MCEE: variants seen among roughly 807,000 people sequenced by gnomAD.
MCEE encodes methylmalonyl-CoA epimerase, also known as methylmalonyl-CoA epimerase, mitochondrial.
Under a neutral mutation model 12.9 loss-of-function variants are expected in MCEE, and 6 were observed. That is an observed-to-expected ratio of 0.47 (90% CI 0.26 to 0.92). MCEE has a LOEUF of 0.92. Ranked by LOEUF, MCEE falls within the 40% of genes least tolerant of loss-of-function variation. MCEE has a pLI of 0.16. For synonymous variants in MCEE, 78 were observed against 77.9 expected (o/e 1.00, Z -0.01); for missense variants, 214 against 212.1 (o/e 1.01, Z -0.05).
intron 1 of MCEE, among the ~76,000 whole-genome samples, chr2:71,125,211 A>ATATATATATATATTTTTTT: frequency 4.1e-5 from 2 of 48,592 alleles, no homozygotes; most frequent in African/African-American, 6.0e-5. Context: ...ATATATATAT[A>ATATATATATATATTTTTTT]TTTTTTTTTT....
rs1262687445 is a variant in MCEE at position 71,116,609 on chromosome 2, C to T, written c.379-6487G>A. 4.1e-5 allele frequency among the ~76,000 whole-genome samples: 6 copies of T among 145,456 alleles called. No individual in the cohort carries two copies. The East Asian group carries it at 5.9e-4, about 14-fold the overall frequency. On this transcript the variant is annotated intron_variant, in intron 2 of 2. Transcript: ENST00000244217. ...GTTACCAGGCTAGAATGCAGTGGTG[C>T]GATCTCAGTTCACTGCAACCTCCGC...
intron 1 of MCEE, 149 bp downstream of exon 1, chr2:71,130,031 G>T: frequency 1.3e-6 from 1 of 798,844 alleles, no homozygotes; most frequent in Non-Finnish European, 2.2e-6. Context: ...GGCACCCTCT[G>T]CCTAAGTGAC....
At chr2:71,112,766 G>A (rs1672916076) in intron 2 of MCEE, among the ~76,000 whole-genome samples, 2 of 152,104 alleles carry the variant, frequency 1.3e-5, no homozygotes, top group South Asian at 2.1e-4. Flanking sequence ...CCCTACTTGG[G>A]GTTGCTGACT....
chr2:71,112,433 C>CT (rs71400979), intron 2 of MCEE, among the ~76,000 whole-genome samples: 46,619 of 81,018 alleles, frequency 0.58, 17,029 homozygotes, highest in Non-Finnish European at 0.69. Flanking sequence ...CTGCACCTGC[C>CT]TTTTTTTTTT....
intron 1 of MCEE, 47 bp from the exon 2 acceptor site, chr2:71,124,590 C>T (rs762576005): frequency 4.9e-6 from 7 of 1,418,926 alleles, no homozygotes; most frequent in African/African-American, 1.4e-5. Flanking sequence ...AGAATTAACG[C>T]ACTTCTAAAT....
At chr2:71,118,379 C>T (rs1403736253) in intron 2 of MCEE, 2 of 150,960 alleles carry the variant, frequency 1.3e-5, no homozygotes, top group East Asian at 1.9e-4. Context: ...CTTGCTGCCG[C>T]TGCCCCTCAG....
At chr2:71,117,783 ATC>A (rs1276073958) in intron 2 of MCEE, among the ~76,000 whole-genome samples, 1 of 150,016 alleles carries the variant, frequency 6.7e-6, no homozygotes, top group Admixed American at 6.6e-5. Flanking sequence ...CAAATCCAAC[ATC>A]TCTGTCTGCC....
Position 71,110,503 on chromosome 2 carries a change from T to C in MCEE, c.379-381A>G, listed in dbSNP as rs531818541. On this transcript the variant is annotated intron_variant, in intron 2 of 2. Coordinates refer to ENST00000244217, the MANE Select transcript of MCEE (RefSeq NM_032601.4). Reference sequence around the variant, plus strand: ...AGGCAAATGAGGTCTACCACATAAATTGACTACAGATTAAAATGAGGTAAC... The same window carrying C: ...AGGCAAATGAGGTCTACCACATAAACTGACTACAGATTAAAATGAGGTAAC... Among the ~76,000 whole-genome samples, 14 of 152,296 alleles carry C rather than the reference T, an allele frequency of 9.2e-5. No individual in the cohort carries two copies. The South Asian group carries it at 2.1e-3, about 23-fold the overall frequency.
intron 2 of MCEE, among the ~76,000 whole-genome samples, chr2:71,114,624 A>C (rs1672955374): frequency 6.6e-6 from 1 of 152,220 alleles, no homozygotes. Context: ...TTTGTAAATC[A>C]ATCTGGGAAA....
In MCEE at chr2:71,109,894, T is replaced by A. The variant is rs1672850238; in HGVS notation, c.*76A>T. 6.9e-7 allele frequency: 1 copy of A among 1,448,360 alleles called. No individual in the cohort carries two copies. The allele number at this position is 1,448,360 out of a possible 1,614,324, so 89.7% of individuals were successfully genotyped here. On this transcript the variant is annotated 3_prime_UTR_variant, in exon 3 of 3. Transcript: ENST00000244217. ...TTACATGATGGAAGCAGTGAAGGACTCAATGTCATAGTACATTTTGATAGT... is the reference window on the plus strand; with the variant it reads ...TTACATGATGGAAGCAGTGAAGGACACAATGTCATAGTACATTTTGATAGT...
chr2:71,122,325 C>T (rs769837389), intron 2 of MCEE, among the ~76,000 whole-genome samples: 2 of 152,028 alleles, frequency 1.3e-5, no homozygotes, highest in South Asian at 4.1e-4. Context: ...AGTAGAGACA[C>T]GGTTTTGCCA....
chr2:71,119,825 T>C (rs1673063803), intron 2 of MCEE, among the ~76,000 whole-genome samples: 1 of 149,388 alleles, frequency 6.7e-6, no homozygotes, highest in Non-Finnish European at 1.5e-5. Context: ...AGGGCTGAGG[T>C]AGAAGGATTG....
chr2:71,125,211 A>ATATATATATATATATATATATTTTTTTT, intron 1 of MCEE, among the ~76,000 whole-genome samples: 17 of 48,582 alleles, frequency 3.5e-4, no homozygotes, highest in South Asian at 8.9e-4. Context: ...ATATATATAT[A>ATATATATATATATATATATATTTTTTTT]TTTTTTTTTT....
At chr2:71,128,027 C>G (rs1673276164) in intron 1 of MCEE, among the ~76,000 whole-genome samples, 1 of 152,214 alleles carries the variant, frequency 6.6e-6, no homozygotes, top group Non-Finnish European at 1.5e-5. Context: ...GGTAAGTTTT[C>G]TCTTAAACAT....
chr2:71,130,160 C>A lies in MCEE; in HGVS notation c.40+20G>T. ...ACGCTCCCTGTCCCATGGCGAAGGT[C>A]GCCGGTGCCCGGTATTCACCTACGG... On this transcript the variant is annotated intron_variant, in intron 1 of 2. Transcript: ENST00000244217. The A allele has an allele frequency of 6.2e-7, 1 of 1,606,538 alleles. No homozygotes were observed. Among genetic ancestry groups the A allele is most frequent in the Non-Finnish European group, 8.5e-7 (1 of 1,177,304 alleles).
At chr2:71,111,266 T>G (rs1280277659) in intron 2 of MCEE, among the ~76,000 whole-genome samples, 1 of 152,204 alleles carries the variant, frequency 6.6e-6, no homozygotes, top group South Asian at 2.1e-4. Context: ...AATTCTCATC[T>G]TTTTCAGAAT....
Position 71,109,965 on chromosome 2 carries a change from A to G in MCEE, c.*5T>C, listed in dbSNP as rs768807495. ...TCAATTAATTTAGTTGCTTGCAAAT[A>G]TAAATCAAGCTTGCTCCAGTTCCAC... On this transcript the variant is annotated 3_prime_UTR_variant, in exon 3 of 3. Coordinates refer to ENST00000244217, the MANE Select transcript of MCEE (RefSeq NM_032601.4). The G allele has an allele frequency of 1.2e-6, 2 of 1,613,302 alleles. No homozygotes were observed. The highest frequency in any genetic ancestry group is 1.7e-6 in the Non-Finnish European group (2 of 1,179,786).
At position 71,110,089 on chromosome 2, in the gene MCEE, T is replaced by G. The variant is rs1030675177; in HGVS notation, c.412A>C (p.Lys138Gln). 5 of 1,613,284 alleles carry G rather than the reference T, an allele frequency of 3.1e-6. No individual in the cohort carries two copies. The highest frequency in any genetic ancestry group is 1.7e-5 in the Admixed American group (1 of 59,980). The part of the protein sequence containing the change: ...DNINAAVMDL[K>Q]KKKIRSLSEE... ...CTTAGACTGCGGATCTTCTTTTTTT[T>G]CAAATCCATCACAGCTGCATTAATA... is the stretch of plus-strand genomic sequence containing the variant. The change falls in exon 3 of 3, where the codon AAA becomes CAA. Residue 138 changes from lysine (K) to glutamine (Q), a missense_variant. Coordinates refer to ENST00000244217, the MANE Select transcript of MCEE (RefSeq NM_032601.4).
At chr2:71,111,602 A>G (rs1333744825) in intron 2 of MCEE, among the ~76,000 whole-genome samples, 1 of 152,164 alleles carries the variant, frequency 6.6e-6, no homozygotes, top group Non-Finnish European at 1.5e-5. Context: ...GCTTCCTAAC[A>G]TGCGTGCAAT....
Sources: gnomAD v4.1 joint callset for allele counts (sites outside exome capture counted in the v4.1 genomes callset) on GRCh38, gnomAD v4.1.1 for gene constraint, MANE v1.5 for transcripts, NCBI Gene and HGNC (gene_info 2026-07-23, HGNC 2026-07-21) for gene names.